Variants in SDF2 observed in about 807,000 individuals in gnomAD.
SDF2 encodes the protein stromal cell-derived factor 2.
A neutral mutation model predicts 20.5 loss-of-function variants in SDF2; 12 were observed. The observed-to-expected ratio is 0.58, with a 90% CI of 0.37 to 0.95. The LOEUF is 0.95. Ranked by LOEUF, SDF2 falls within the 40% of genes least tolerant of loss-of-function variation. SDF2 has a pLI of 0.01. For synonymous variants in SDF2, 100 were observed against 101.0 expected (o/e 0.99, Z 0.06); for missense variants, 238 against 263.1 (o/e 0.90, Z 0.66).
intron 1 of SDF2, chr17:28,660,720 T>G (rs2072022180): frequency 6.4e-6 from 1 of 155,280 alleles, no homozygotes; most frequent in Non-Finnish European, 1.4e-5. Context: ...CCTTGCCTAG[T>G]CTGACTGATC....
chr17:28,648,859 T>C lies in SDF2; in HGVS notation c.*130A>G. The C allele has an allele frequency of 1.1e-6, 1 of 906,390 alleles. No homozygotes were observed. The highest frequency in any genetic ancestry group is 2.5e-5 in the East Asian group (1 of 40,610). 56.1% of individuals were successfully genotyped at this position (906,390 alleles called of 1,614,324 possible). On this transcript the variant is annotated 3_prime_UTR_variant, in exon 3 of 3. Coordinates refer to ENST00000247020, the MANE Select transcript of SDF2 (RefSeq NM_006923.4). ...AAGCTTCCAAACACAGCCACTATTT[T>C]CTGTTGTATATCTTCATCTCAATGG...
Position 28,659,016 on chromosome 17 carries a change from G to A in SDF2, c.151+2710C>T, listed in dbSNP as rs113091939. Among the ~76,000 whole-genome samples, 725 of 139,744 alleles carry A rather than the reference G, an allele frequency of 5.2e-3. 12 individuals are homozygous for A. The highest frequency in any genetic ancestry group is 0.033 in the South Asian group (140 of 4,236). 91.7% of individuals were successfully genotyped at this position (139,744 alleles called of 152,430 possible). On this transcript the variant is annotated intron_variant, in intron 1 of 2. Coordinates refer to ENST00000247020, the MANE Select transcript of SDF2 (RefSeq NM_006923.4). ...CAGAGGCGCTCCTCCCCTCCCAGAC[G>A]GGGCGGCCGTGCAGAGGCGCTCCTC...
At chr17:28,656,443 C>T (rs1046524223) in intron 1 of SDF2, 7 of 151,972 alleles carry the variant, frequency 4.6e-5, no homozygotes, top group African/African-American at 1.7e-4. Context: ...CAAAAATTAG[C>T]TGGGTGTGGT....
At chr17:28,660,884 T>C (rs1389370651) in intron 1 of SDF2, 1 of 164,648 alleles carries the variant, frequency 6.1e-6, no homozygotes. Context: ...TCTTTTTTTT[T>C]AACTTTATCT....
chr17:28,656,232 A>C (rs2071961421), intron 1 of SDF2: 3 of 151,940 alleles, frequency 2.0e-5, no homozygotes, highest in Admixed American at 2.0e-4. Context: ...TTGACCTCCC[A>C]AAGTGCTGGG....
intron 1 of SDF2, among the ~76,000 whole-genome samples, chr17:28,658,469 A>G (rs1320560014): frequency 6.6e-6 from 1 of 152,134 alleles, no homozygotes; most frequent in African/African-American, 2.4e-5. Flanking sequence ...CTTAACGAGC[A>G]TGCTGCCTTC....
chr17:28,653,167 A>G (rs1301498271), intron 2 of SDF2, among the ~76,000 whole-genome samples: 1 of 152,228 alleles, frequency 6.6e-6, no homozygotes, highest in Non-Finnish European at 1.5e-5. Context: ...AATGAAAAGA[A>G]TAACTTTACA....
chr17:28,651,779 A>AGT (rs34854649), intron 2 of SDF2, among the ~76,000 whole-genome samples: 16,425 of 150,262 alleles, frequency 0.11, 941 homozygotes, highest in South Asian at 0.16. Flanking sequence ...TTATTTCAGA[A>AGT]GTGTGTGTGT....
In SDF2 at chr17:28,649,086, G is replaced by A. The variant is rs141329881; in HGVS notation, c.539C>T (p.Ala180Val). 3.7e-6 allele frequency: 6 copies of A among 1,614,090 alleles called. No homozygotes were observed. In the African/African-American group the frequency reaches 6.7e-5, roughly 18 times the overall value. Reference sequence around the variant, plus strand: ...CCAGTAGTTGTTCTGACTTGGCTGGGCCATGCCATGCACCTCTTTTTGCCC... The same window carrying A: ...CCAGTAGTTGTTCTGACTTGGCTGGACCATGCCATGCACCTCTTTTTGCCC... ...ISGQKEVHGMAQPSQNNYWKA... is the reference protein window; with the variant it reads ...ISGQKEVHGMVQPSQNNYWKA... Residue 180 changes from alanine (A) to valine (V), a missense_variant, in exon 3 of 3, where the codon GCC (alanine) becomes GTC (valine). Transcript: ENST00000247020.
chr17:28,651,279 G>C lies in SDF2; in HGVS notation c.349-2003C>G, dbSNP rs75334973. On this transcript the variant is annotated intron_variant, in intron 2 of 2. Transcript: ENST00000247020. ...GGGTTTCACCATGTTGACCAGGCTG[G>C]TCTCAAACTCCCAGCCTCAAGTGAT... is the stretch of plus-strand genomic sequence containing the variant. 8.5e-3 allele frequency among the ~76,000 whole-genome samples: 1,287 copies of C among 152,258 alleles called. 52 individuals carry two copies. The highest frequency in any genetic ancestry group is 0.059 in the Admixed American group (897 of 15,290).
At chr17:28,650,734 C>T (rs541002571) in intron 2 of SDF2, among the ~76,000 whole-genome samples, 7 of 137,886 alleles carry the variant, frequency 5.1e-5, no homozygotes, top group Non-Finnish European at 7.6e-5. Flanking sequence ...TGCCGTGAGC[C>T]GAAGGTTGCA....
chr17:28,659,087 G>A (rs372276695), intron 1 of SDF2, among the ~76,000 whole-genome samples: 2 of 133,290 alleles, frequency 1.5e-5, no homozygotes, highest in South Asian at 4.9e-4. Context: ...TCAACTCCCA[G>A]ACGAAGGGCG....
Position 28,650,241 on chromosome 17 carries a change from C to T in SDF2, c.349-965G>A, listed in dbSNP as rs572719046. The stretch of plus-strand genomic sequence containing the variant: ...TGCTGGGATTACAGGCATGAGCCAC[C>T]GTGCCCGGCCACTCCAGTGTTGTTT... On this transcript the variant is annotated intron_variant, in intron 2 of 2. Transcript: ENST00000247020. 3.5e-4 allele frequency among the ~76,000 whole-genome samples: 54 copies of T among 152,148 alleles called. No individual in the cohort carries two copies. The South Asian group carries it at 0.011, about 31-fold the overall frequency.
In SDF2 at chr17:28,661,810, C is replaced by A; in HGVS notation, c.67G>T (p.Val23Phe). 1 of 1,614,152 alleles carries A rather than the reference C, an allele frequency of 6.2e-7. No homozygotes were observed. Among genetic ancestry groups the A allele is most frequent in the Non-Finnish European group, 8.5e-7 (1 of 1,180,024 alleles). ...WSAVGASSLGVVTCGSVVKLL... is the reference protein window; with the variant it reads ...WSAVGASSLGFVTCGSVVKLL... ...TTCACCACGGAGCCGCAAGTAACGA[C>A]ACCCAGGCTGGACGCTCCCACAGCG... is the stretch of plus-strand genomic sequence containing the variant. The change falls in exon 1 of 3, where the codon GTC becomes TTC. Residue 23 changes from valine (V) to phenylalanine (F), a missense_variant. Coordinates refer to ENST00000247020, the MANE Select transcript of SDF2 (RefSeq NM_006923.4).
intron 1 of SDF2, among the ~76,000 whole-genome samples, 165 bp downstream of exon 1, chr17:28,661,561 T>A (rs2072043456): frequency 6.6e-6 from 1 of 152,194 alleles, no homozygotes; most frequent in Admixed American, 6.5e-5. Context: ...GTGTTGCGAT[T>A]AAGATGCCTT....
At position 28,649,144 on chromosome 17, in the gene SDF2, C is replaced by T. The variant is rs755607819; in HGVS notation, c.481G>A (p.Val161Ile). The T allele has an allele frequency of 6.2e-7, 1 of 1,614,244 alleles. No individual in the cohort carries two copies. The highest frequency in any genetic ancestry group is 8.5e-7 in the Non-Finnish European group (1 of 1,180,044). Reference protein sequence around the residue: ...KHSSTEVLLSVTGEQYGRPIS... With the variant: ...KHSSTEVLLSITGEQYGRPIS... ...GGTCGACCATATTGTTCTCCTGTGA[C>T]AGACAGCAGTACCTCAGTGGAAGAG... The change falls in exon 3 of 3, where the codon GTC becomes ATC. Residue 161 changes from valine (V) to isoleucine (I), a missense_variant. Val to Ile is a conservative substitution (Grantham distance 29, BLOSUM62 3). Transcript: ENST00000247020.
intron 1 of SDF2, among the ~76,000 whole-genome samples, chr17:28,656,491 G>A (rs2071963718): frequency 6.6e-6 from 1 of 152,112 alleles, no homozygotes; most frequent in African/African-American, 2.4e-5. Context: ...GGGAGGCTGA[G>A]GTGGGAGAAT....
At chr17:28,650,500 T>C (rs1359414754) in intron 2 of SDF2, among the ~76,000 whole-genome samples, 3 of 151,804 alleles carry the variant, frequency 2.0e-5, no homozygotes, top group Admixed American at 6.6e-5. Flanking sequence ...AGAGTTGGGA[T>C]TGTGGCCAGG....
chr17:28,649,592 G>C (rs1004256928), intron 2 of SDF2, among the ~76,000 whole-genome samples: 1 of 151,950 alleles, frequency 6.6e-6, no homozygotes, highest in Non-Finnish European at 1.5e-5. Flanking sequence ...AAATTAGCTG[G>C]GTGTGGTGGC....
Sources: gnomAD v4.1 joint callset for allele counts (sites outside exome capture counted in the v4.1 genomes callset) on GRCh38, gnomAD v4.1.1 for gene constraint, MANE v1.5 for transcripts, NCBI Gene and HGNC (gene_info 2026-07-23, HGNC 2026-07-21) for gene names.